DYNC2H1: variants seen among roughly 807,000 people sequenced by gnomAD.
The protein encoded by DYNC2H1 is dynein cytoplasmic 2 heavy chain 1.
Under a neutral mutation model 570.0 loss-of-function variants are expected in DYNC2H1, and 410 were observed. That is an observed-to-expected ratio of 0.72 (90% confidence interval 0.66 to 0.78). The LOEUF (loss-of-function observed/expected upper bound fraction) is 0.78. Ranked by LOEUF, DYNC2H1 falls within the 30% of genes least tolerant of loss-of-function variation. The pLI is 0.00. For synonymous variants in DYNC2H1, 1,688 were observed against 1,677.6 expected, an observed-to-expected ratio of 1.01 and a Z score of -0.15; for missense variants, 4,865 against 5,046.4, an observed-to-expected ratio of 0.96 and a Z score of 1.09.
chr11:103,324,012 C>G lies in DYNC2H1; in HGVS notation c.12039+22C>G. 1 of 1,564,644 alleles carries G rather than the reference C, an allele frequency of 6.4e-7. No individual in the cohort carries two copies. The highest frequency in any genetic ancestry group is 8.6e-7 in the Non-Finnish European group (1 of 1,157,614). ...TCAGGTAACCTAAAAAAAAGATCTA[C>G]CTTCAAAAAAAGTTGCTAGTGAGCC... On this transcript the variant is annotated intron_variant, in intron 82 of 88. Coordinates refer to ENST00000375735, the MANE Select transcript of DYNC2H1 (RefSeq NM_001377.3). The surrounding 1 kb of genome is among the most constrained non-coding windows in gnomAD (Gnocchi z 5.2).
In DYNC2H1 at chr11:103,264,671, G is replaced by C. The variant is rs1029975684; in HGVS notation, c.10695+4694G>C. ...TTCATGCTGAAAACTTCATAAACTA[G>C]GTATTGATGGAACGTATCTCAAAAT... On this transcript the variant is annotated intron_variant, in intron 70 of 88. Coordinates refer to ENST00000375735, the MANE Select transcript of DYNC2H1 (RefSeq NM_001377.3). This position sits in a 1 kb window ranked among gnomAD's most constrained non-coding sequence, Gnocchi z 4.8. 2.0e-5 allele frequency among the ~76,000 whole-genome samples: 3 copies of C among 152,104 alleles called. No homozygotes were observed. Among genetic ancestry groups the C allele is most frequent in the Non-Finnish European group, 4.4e-5 (3 of 68,026 alleles).
In DYNC2H1 at chr11:103,120,694, G is replaced by C. The variant is rs1336780105; in HGVS notation, c.1140G>C (p.Leu380Phe). The C allele has an allele frequency of 1.2e-6, 2 of 1,611,278 alleles. No individual in the cohort carries two copies. The highest frequency in any genetic ancestry group is 1.7e-6 in the Non-Finnish European group (2 of 1,178,674). The change falls in exon 8 of 89, where the codon TTG (leucine) becomes TTC (phenylalanine). Residue 380 changes from leucine to phenylalanine, a missense_variant. Leu to Phe is a conservative substitution (Grantham distance 22). This residue lies in a region of DYNC2H1 where 1,936 missense variants were observed against 1,962.1 expected (regional missense o/e 0.99). Transcript: ENST00000375735. ...PVQYNPYTEP[L>F]WKAAVSQYEK... is the part of the protein sequence containing the mutation. ...AATGTTGTTAATGTATGTAGCCCTT[G>C]TGGAAAGCTGCGGTGTCTCAATATG...
chr11:103,392,457 G>A (rs559993781), intron 83 of DYNC2H1, among the ~76,000 whole-genome samples: 1 of 152,350 alleles, frequency 6.6e-6, no homozygotes, highest in Non-Finnish European at 1.5e-5. Flanking sequence ...TGGGTGAGGT[G>A]ATGCCTCGCC....
At chr11:103,233,339 CACTT>C (rs1239006791) in intron 60 of DYNC2H1, among the ~76,000 whole-genome samples, 9 of 151,062 alleles carry the variant, frequency 6.0e-5, no homozygotes, top group Non-Finnish European at 1.0e-4. Context: ...ATATTATAAA[CACTT>C]ACACATATTT....
intron 84 of DYNC2H1, among the ~76,000 whole-genome samples, chr11:103,409,094 TG>T (rs1942983364): frequency 6.6e-6 from 1 of 152,070 alleles, no homozygotes; most frequent in Non-Finnish European, 1.5e-5. Flanking sequence ...CATATGTCAC[TG>T]GGGACATGTC....
chr11:103,419,802 A>T (rs969686452), intron 84 of DYNC2H1, among the ~76,000 whole-genome samples: 1 of 152,180 alleles, frequency 6.6e-6, no homozygotes, highest in African/African-American at 2.4e-5. Context: ...AATTGACAGA[A>T]GTAGGCTTCA....
rs767791284 is a variant in DYNC2H1, at chr11:103,455,175, C to A, written c.12457-11C>A. 1 of 1,598,192 alleles carries A rather than the reference C, an allele frequency of 6.3e-7. No homozygotes were observed. Among genetic ancestry groups the A allele is most frequent in the South Asian group, 1.1e-5 (1 of 90,186 alleles). On this transcript the variant is annotated splice_polypyrimidine_tract_variant and intron_variant, in intron 85 of 88. Transcript: ENST00000375735. Reference sequence around the variant, plus strand: ...GTGTGTATTTATATGTTCATATTTCCCCCCCTCTAGAACTGGGTAGATAAA... The same window carrying A: ...GTGTGTATTTATATGTTCATATTTCACCCCCTCTAGAACTGGGTAGATAAA...
At chr11:103,273,783 A>G (rs1459072398) in intron 70 of DYNC2H1, among the ~76,000 whole-genome samples, 2 of 152,120 alleles carry the variant, frequency 1.3e-5, no homozygotes, top group Non-Finnish European at 2.9e-5. Flanking sequence ...AAACCCTTGT[A>G]TCAATGTCTA....
Position 103,135,716 on chromosome 11 carries a change from T to G in DYNC2H1, c.2346-4T>G. ...ATGTTTTAAAGTTATTTATTTACTT[T>G]TAGACAGGGACGATTACAATTCAGG... On this transcript the variant is annotated splice_region_variant and splice_polypyrimidine_tract_variant and intron_variant, in intron 16 of 88. Coordinates refer to ENST00000375735, the MANE Select transcript of DYNC2H1 (RefSeq NM_001377.3). 1 of 1,607,206 alleles carries G rather than the reference T, an allele frequency of 6.2e-7. No homozygotes were observed. Among genetic ancestry groups the G allele is most frequent in the African/African-American group, 1.3e-5 (1 of 74,746 alleles).
intron 87 of DYNC2H1, among the ~76,000 whole-genome samples, chr11:103,456,651 G>C (rs535257904): frequency 6.6e-6 from 1 of 152,006 alleles, no homozygotes; most frequent in Non-Finnish European, 1.5e-5. Flanking sequence ...TTCTAAAATT[G>C]AACCTAATAT....
chr11:103,168,279 C>CAGT (rs1204354237), intron 31 of DYNC2H1, among the ~76,000 whole-genome samples: 1 of 152,150 alleles, frequency 6.6e-6, no homozygotes, highest in African/African-American at 2.4e-5. Context: ...CTGTCTACAC[C>CAGT]AGTTTCGGTT....
chr11:103,294,942 C>G (rs1302482941), intron 75 of DYNC2H1, among the ~76,000 whole-genome samples: 1 of 152,164 alleles, frequency 6.6e-6, no homozygotes, highest in East Asian at 1.9e-4. Flanking sequence ...ATCCTCTGTA[C>G]TCTTCTCTTG....
In DYNC2H1 at chr11:103,135,619, T is replaced by C. The variant is rs755894971; in HGVS notation, c.2330T>C (p.Ile777Thr). 1 of 1,612,764 alleles carries C rather than the reference T, an allele frequency of 6.2e-7. No homozygotes were observed. The highest frequency in any genetic ancestry group is 8.5e-7 in the Non-Finnish European group (1 of 1,179,480). Residue 777 changes from isoleucine (I) to threonine (T), a missense_variant, in exon 16 of 89, where the codon ATA (isoleucine) becomes ACA (threonine). This residue lies in a region of DYNC2H1 where 1,936 missense variants were observed against 1,962.1 expected (regional missense o/e 0.99). Transcript: ENST00000375735. ...AATGAGAATTTGCCAGAAATAAATA[T>C]AGACTTAACTTACAAGTAAGATGTT... is the stretch of plus-strand genomic sequence containing the variant. ...ALNENLPEINIDLTYKQGRLQ... is the reference protein window; with the variant it reads ...ALNENLPEINTDLTYKQGRLQ...
chr11:103,123,738 G>C (rs139545053), intron 11 of DYNC2H1, among the ~76,000 whole-genome samples: 38 of 152,124 alleles, frequency 2.5e-4, no homozygotes, highest in African/African-American at 8.2e-4. Context: ...GCATACCAAC[G>C]GTCTGAGATC....
chr11:103,418,549 T>C lies in DYNC2H1; in HGVS notation c.12367-17394T>C, dbSNP rs977490550. On this transcript the variant is annotated intron_variant, in intron 84 of 88. Coordinates refer to ENST00000375735, the MANE Select transcript of DYNC2H1 (RefSeq NM_001377.3). ...AAGAGACCTAGTGTTAAAATGTTAG[T>C]TCTAAGATGGCCAATTAGAAGCAGC... 2.6e-5 allele frequency among the ~76,000 whole-genome samples: 4 copies of C among 152,172 alleles called. No individual in the cohort carries two copies. The South Asian group carries it at 8.3e-4, about 32-fold the overall frequency.
At chr11:103,358,172 T>G (rs541182233) in intron 82 of DYNC2H1, 71 bp from the exon 83 acceptor site, 2 of 819,316 alleles carry the variant, frequency 2.4e-6, no homozygotes, top group East Asian at 5.5e-5. Context: ...TCTGTTTTTG[T>G]ACCTATGTTC....
At chr11:103,352,532 T>C (rs1940103312) in intron 82 of DYNC2H1, among the ~76,000 whole-genome samples, 1 of 152,214 alleles carries the variant, frequency 6.6e-6, no homozygotes. Flanking sequence ...GGGGTTAATT[T>C]TGGTAACATT....
intron 73 of DYNC2H1, 110 bp downstream of exon 73, chr11:103,283,195 TG>T (rs1267029779): frequency 1.3e-6 from 1 of 745,866 alleles, no homozygotes; most frequent in African/African-American, 1.8e-5. Flanking sequence ...TTTAATAGGA[TG>T]TAAGTTCCCC....
At chr11:103,434,130 T>TC (rs1337740440) in intron 84 of DYNC2H1, among the ~76,000 whole-genome samples, 1 of 152,128 alleles carries the variant, frequency 6.6e-6, no homozygotes, top group African/African-American at 2.4e-5. Context: ...AGTGGTTTTT[T>TC]CGGTCTGTTT....
Sources: allele counts gnomAD v4.1 joint callset (sites outside exome capture counted in the v4.1 genomes callset), GRCh38; gene constraint gnomAD v4.1.1; regional missense constraint gnomAD v4.1.1; non-coding constraint Gnocchi (gnomAD v3.1); transcripts MANE v1.5; gene names NCBI Gene and HGNC (gene_info 2026-07-23, HGNC 2026-07-21).